The following RIMS2 variants were observed in gnomAD, a reference collection of about 807,000 sequenced individuals.
RIMS2 encodes the protein regulating synaptic membrane exocytosis protein 2.
Under a neutral mutation model 174.4 loss-of-function variants are expected in RIMS2, and 59 were observed. That is an observed-to-expected ratio of 0.34 (90% CI 0.27 to 0.42). RIMS2 has a LOEUF of 0.42. Ranked by LOEUF, RIMS2 falls within the 10% of genes least tolerant of loss-of-function variation. The pLI is 1.00. For missense variants in RIMS2, 1,620 were observed against 1,666.3 expected (o/e 0.97, Z 0.48); for synonymous variants, 606 against 572.5 (o/e 1.06, Z -0.84).
intron 2 of RIMS2, among the ~76,000 whole-genome samples, chr8:103,718,479 T>C (rs1436140116): frequency 6.6e-6 from 1 of 152,186 alleles, no homozygotes; most frequent in Non-Finnish European, 1.5e-5. Flanking sequence ...TGGGCCATGA[T>C]GGTAAGATTT....
At chr8:103,713,395 T>G (rs1230211022) in intron 2 of RIMS2, among the ~76,000 whole-genome samples, 1 of 152,122 alleles carries the variant, frequency 6.6e-6, no homozygotes, top group Non-Finnish European at 1.5e-5. Flanking sequence ...CAAGCAGACT[T>G]TCTATGTATT....
chr8:104,013,509 G>A (rs1333108870), exon 18 of RIMS2: 3 of 1,613,746 alleles, frequency 1.9e-6, no homozygotes, highest in Non-Finnish European at 2.5e-6. Flanking sequence ...GCCTCTCCTT[G>A]AGCGGACCAC....
At chr8:104,116,084 A>C (rs1014368798) in intron 19 of RIMS2, among the ~76,000 whole-genome samples, 1 of 152,200 alleles carries the variant, frequency 6.6e-6, no homozygotes, top group African/African-American at 2.4e-5. Context: ...AACTGCTCAT[A>C]TGTTTTAGAA....
Position 103,751,136 on chromosome 8 carries a change from A to T in RIMS2, c.388-15091A>T, listed in dbSNP as rs1231661698. Among the ~76,000 whole-genome samples the T allele has an allele frequency of 2.0e-5, 3 of 151,684 alleles. No homozygotes were observed. In the East Asian group the frequency reaches 5.8e-4, roughly 29 times the overall value. On this transcript the variant is annotated intron_variant, in intron 2 of 23. Transcript: ENST00000504942. ...CCACATGGAACTGTAAGTCCAATAA[A>T]CCTCTTTCTTTTGTAAATTGCCCCA...
intron 1 of RIMS2, among the ~76,000 whole-genome samples, chr8:103,537,082 A>G (rs1402664408): frequency 1.3e-5 from 2 of 152,196 alleles, no homozygotes; most frequent in African/African-American, 4.8e-5. Context: ...TTTTGTCCTA[A>G]TCTCTATTAA....
At chr8:103,988,326 C>A (rs750923400) in intron 16 of RIMS2, among the ~76,000 whole-genome samples, 5 of 152,090 alleles carry the variant, frequency 3.3e-5, no homozygotes, top group Admixed American at 1.3e-4. Context: ...AATTAGCTCA[C>A]CAATGGAATA....
At chr8:104,055,340 G>C (rs1438972312) in intron 19 of RIMS2, among the ~76,000 whole-genome samples, 1 of 152,078 alleles carries the variant, frequency 6.6e-6, no homozygotes, top group African/African-American at 2.4e-5. Flanking sequence ...AACATAAAAA[G>C]TTGAGGATAA....
At chr8:104,213,959 T>G (rs1429967393) in intron 19 of RIMS2, among the ~76,000 whole-genome samples, 1 of 152,050 alleles carries the variant, frequency 6.6e-6, no homozygotes, top group East Asian at 1.9e-4. Context: ...GTTTGTTAAT[T>G]TGGTTACATT....
intron 16 of RIMS2, among the ~76,000 whole-genome samples, chr8:103,986,696 C>T (rs2094385844): frequency 6.6e-6 from 1 of 151,708 alleles, no homozygotes; most frequent in African/African-American, 2.4e-5. Flanking sequence ...CCTGGTGAAA[C>T]CCCATCTCTA....
chr8:103,891,917 A>G (rs1383966404), intron 4 of RIMS2, among the ~76,000 whole-genome samples: 2 of 151,896 alleles, frequency 1.3e-5, no homozygotes, highest in Admixed American at 1.3e-4. Context: ...AACCCAAAAG[A>G]TGTCGGCTTT....
At chr8:104,145,393 G>A (rs866994816) in intron 19 of RIMS2, among the ~76,000 whole-genome samples, 44 of 151,768 alleles carry the variant, frequency 2.9e-4, no homozygotes, top group Admixed American at 9.2e-4. Flanking sequence ...AATGTAATAC[G>A]TCTTTTCCTA....
chr8:103,587,462 AAG>A (rs1491574882), intron 1 of RIMS2, among the ~76,000 whole-genome samples: 6 of 104,878 alleles, frequency 5.7e-5, no homozygotes, highest in Admixed American at 1.8e-4. Context: ...GAAAGAAAGA[AAG>A]AAAGAAACTA....
Position 103,721,715 on chromosome 8 carries a change from C to T in RIMS2, c.387+24419C>T, listed in dbSNP as rs138324571. The stretch of plus-strand genomic sequence containing the variant: ...ATTTCAATCATGAATACCATTCCAT[C>T]CAATCTATAACTGAAAATGAAATCT... On this transcript the variant is annotated intron_variant, in intron 2 of 23. Transcript: ENST00000504942. 7.9e-3 allele frequency among the ~76,000 whole-genome samples: 1,204 copies of T among 152,260 alleles called. 19 individuals carry two copies. The highest frequency in any genetic ancestry group is 6.9e-3 in the Non-Finnish European group (468 of 68,006).
At chr8:104,003,724 T>C (rs545324511) in intron 17 of RIMS2, among the ~76,000 whole-genome samples, 132 of 152,170 alleles carry the variant, frequency 8.7e-4, no homozygotes, top group African/African-American at 3.1e-3. Flanking sequence ...TGAAGAATCT[T>C]ATATACTCTT....
intron 1 of RIMS2, among the ~76,000 whole-genome samples, chr8:103,566,284 T>G (rs550467855): frequency 1.4e-4 from 21 of 152,186 alleles, no homozygotes; most frequent in Non-Finnish European, 2.8e-4. Flanking sequence ...ATGTTAGTCA[T>G]GTGAAACTGT....
At chr8:103,966,240 G>T (rs2091794044) in intron 15 of RIMS2, among the ~76,000 whole-genome samples, 1 of 152,062 alleles carries the variant, frequency 6.6e-6, no homozygotes, top group African/African-American at 2.4e-5. Flanking sequence ...ATTTACCAGT[G>T]AATCGATCTA....
chr8:104,131,115 C>T (rs553923763), intron 19 of RIMS2, among the ~76,000 whole-genome samples: 194 of 152,170 alleles, frequency 1.3e-3, no homozygotes, highest in Non-Finnish European at 2.4e-3. Flanking sequence ...CTTTCTCATC[C>T]GTAAAATAGA....
At chr8:103,704,371 T>C (rs908120857) in intron 2 of RIMS2, among the ~76,000 whole-genome samples, 3 of 151,932 alleles carry the variant, frequency 2.0e-5, no homozygotes, top group African/African-American at 7.2e-5. Flanking sequence ...AGAATGTTTT[T>C]GAAGATTTTT....
chr8:103,542,802 A>C (rs564315908), intron 1 of RIMS2, among the ~76,000 whole-genome samples: 1 of 152,302 alleles, frequency 6.6e-6, no homozygotes, highest in East Asian at 1.9e-4. Context: ...GCAGAAAAGC[A>C]TTTGAAAAAA....
Sources: gnomAD v4.1 joint callset for allele counts (sites outside exome capture counted in the v4.1 genomes callset) on GRCh38, gnomAD v4.1.1 for gene constraint, MANE v1.5 for transcripts, NCBI Gene and HGNC (gene_info 2026-07-23, HGNC 2026-07-21) for gene names.